ARMC2: variants seen among roughly 807,000 people sequenced by gnomAD.
The protein encoded by ARMC2 is armadillo repeat-containing protein 2.
ARMC2 carries 67 observed loss-of-function variants against 90.3 expected under a neutral mutation model. That is an observed-to-expected ratio of 0.74 (90% confidence interval 0.61 to 0.91). The LOEUF (loss-of-function observed/expected upper bound fraction) is 0.91, where lower values mean the gene tolerates loss of function less well. ARMC2 is among the 40% of genes least tolerant of loss of function. ARMC2 has a pLI of 0.00. For missense variants in ARMC2, 920 were observed against 1,030.9 expected, an observed-to-expected ratio of 0.89 and a Z score of 1.47; for synonymous variants, 393 against 393.0, an observed-to-expected ratio of 1.00 and a Z score of 0.00.
chr6:109,025,633 T>A, the ARMC2 span, among the ~76,000 whole-genome samples: 1 of 150,946 alleles, frequency 6.6e-6, no homozygotes, highest in Non-Finnish European at 1.5e-5. Context: ...CAGGAAACTA[T>A]CAAAAAATAA....
intron 9 of ARMC2, 45 bp downstream of exon 9, chr6:108,911,046 G>A: frequency 8.4e-7 from 1 of 1,190,824 alleles, no homozygotes. Context: ...CTGTACTTGA[G>A]TAAAAATTAG....
chr6:109,000,533 C>T, the ARMC2 span: 20 of 1,610,570 alleles, frequency 1.2e-5, no homozygotes, highest in Admixed American at 3.4e-5. Context: ...TATGGGCTAA[C>T]ACTTTGTTAA....
intron 12 of ARMC2, among the ~76,000 whole-genome samples, chr6:108,952,184 C>T (rs1014359125): frequency 7.2e-5 from 11 of 152,200 alleles, no homozygotes; most frequent in African/African-American, 2.2e-4. Context: ...CATTGACACC[C>T]ATGGGGAAGG....
At chr6:108,904,058 T>TA (rs1772417843) in intron 7 of ARMC2, among the ~76,000 whole-genome samples, 172 bp from the exon 8 acceptor site, 1 of 151,780 alleles carries the variant, frequency 6.6e-6, no homozygotes, top group African/African-American at 2.4e-5. Context: ...ATCAAAGGGA[T>TA]GAAAAAAATC....
rs577203750 is a variant in ARMC2, at chr6:108,888,143, C to T, written c.672-6324C>T. Among the ~76,000 whole-genome samples the T allele has an allele frequency of 4.1e-4, 63 of 152,310 alleles. 1 individual carries two copies. The highest frequency in any genetic ancestry group is 1.4e-3 in the African/African-American group (57 of 41,550). On this transcript the variant is annotated intron_variant, in intron 5 of 17. Transcript: ENST00000392644. ...AGGGATCCAGACAAGCGAACACTCA[C>T]TTTGAGTAACTGATTGTCCTGGAAG...
At chr6:109,009,272 C>A in the ARMC2 span, 4 of 1,212,182 alleles carry the variant, frequency 3.3e-6, no homozygotes, top group Non-Finnish European at 4.3e-6. Context: ...GAGGAGGCAA[C>A]GTGACCTCCG....
At chr6:109,009,401 C>T in the ARMC2 span, 4 of 1,461,380 alleles carry the variant, frequency 2.7e-6, no homozygotes, top group Non-Finnish European at 2.7e-6. Flanking sequence ...TGCAGCCCAG[C>T]AGCCCCGAGA....
downstream of ARMC2, among the ~76,000 whole-genome samples, chr6:108,975,148 C>T (rs377622775): frequency 6.6e-6 from 1 of 152,012 alleles, no homozygotes; most frequent in Admixed American, 6.6e-5. Context: ...AATGCTGTCC[C>T]TCCCCTAGCC....
the ARMC2 span, among the ~76,000 whole-genome samples, chr6:108,981,633 T>C: frequency 1.3e-5 from 2 of 152,120 alleles, no homozygotes; most frequent in African/African-American, 4.8e-5. Context: ...TCATCCATGT[T>C]GTTGCCTGTG....
intron 3 of ARMC2, among the ~76,000 whole-genome samples, chr6:108,863,704 C>G (rs1357392883): frequency 6.6e-6 from 1 of 152,216 alleles, no homozygotes; most frequent in Non-Finnish European, 1.5e-5. Context: ...CTTACCGAGT[C>G]CAGTGATGTA....
At chr6:108,920,496 C>T (rs79324224) in intron 10 of ARMC2, among the ~76,000 whole-genome samples, 5,549 of 152,260 alleles carry the variant, frequency 0.036, 301 homozygotes, top group African/African-American at 0.11. Flanking sequence ...CAGGTTCTTC[C>T]TCTTCCCTTC....
chr6:108,970,787 C>T (rs970527536), intron 17 of ARMC2, among the ~76,000 whole-genome samples: 3 of 152,078 alleles, frequency 2.0e-5, no homozygotes, highest in South Asian at 4.2e-4. Flanking sequence ...CGTGAGCCAC[C>T]GTACCCAGAA....
chr6:109,007,822 A>C, the ARMC2 span, among the ~76,000 whole-genome samples: 1 of 130,486 alleles, frequency 7.7e-6, no homozygotes, highest in Admixed American at 8.2e-5. Flanking sequence ...TATGAACTAT[A>C]TTTTAGAAAA....
intron 8 of ARMC2, chr6:108,907,899 C>A: frequency 6.3e-7 from 1 of 1,589,186 alleles, no homozygotes; most frequent in Non-Finnish European, 8.6e-7. Flanking sequence ...CCGCTGTGTT[C>A]TTCTGTTTTC....
chr6:108,953,989 C>T (rs1268807394), intron 13 of ARMC2, among the ~76,000 whole-genome samples: 4 of 152,166 alleles, frequency 2.6e-5, no homozygotes, highest in African/African-American at 9.7e-5. Context: ...TTCCTCCTGG[C>T]CTGCAGACAG....
chr6:108,987,806 C>CTTTTTTT, the ARMC2 span, among the ~76,000 whole-genome samples: 1,940 of 135,482 alleles, frequency 0.014, 101 homozygotes, highest in African/African-American at 0.049. Flanking sequence ...CAGCAGCTAT[C>CTTTTTTT]TTTTTTTTTT....
intron 13 of ARMC2, among the ~76,000 whole-genome samples, chr6:108,955,376 T>C (rs1378382505): frequency 1.3e-5 from 2 of 152,200 alleles, no homozygotes; most frequent in Non-Finnish European, 2.9e-5. Context: ...AGGCCGTGCT[T>C]CATTATGGAG....
intron 17 of ARMC2, among the ~76,000 whole-genome samples, chr6:108,967,048 C>T (rs938554253): frequency 1.3e-5 from 2 of 152,224 alleles, no homozygotes; most frequent in Non-Finnish European, 2.9e-5. Flanking sequence ...TGAGCTCCGC[C>T]CCCTGGGCTC....
intron 10 of ARMC2, among the ~76,000 whole-genome samples, chr6:108,925,372 C>T (rs1000415174): frequency 6.6e-6 from 1 of 152,188 alleles, no homozygotes; most frequent in Non-Finnish European, 1.5e-5. Flanking sequence ...GCCTATTGAG[C>T]GCCCACCATG....
Sources: gnomAD v4.1 joint callset for allele counts (sites outside exome capture counted in the v4.1 genomes callset) on GRCh38, gnomAD v4.1.1 for gene constraint, MANE v1.5 for transcripts, NCBI Gene and HGNC (gene_info 2026-07-23, HGNC 2026-07-21) for gene names.